The following FGFR4 variants were observed in gnomAD, a reference collection of about 807,000 sequenced individuals.
The protein encoded by FGFR4 is hydroxyaryl-protein kinase.
In FGFR4, 63 loss-of-function variants were observed where a neutral mutation model predicts 89.9. That is an observed-to-expected ratio of 0.70 (90% CI 0.57 to 0.86). The LOEUF (loss-of-function observed/expected upper bound fraction) is 0.86, where lower values mean the gene tolerates loss of function less well. Among genes scored for constraint, FGFR4 ranks in the 40% least tolerant of loss-of-function variants. The pLI, the probability that FGFR4 is intolerant of heterozygous loss-of-function variation, is 0.00. For synonymous variants in FGFR4, 486 were observed against 479.4 expected, an observed-to-expected ratio of 1.01 and a Z score of -0.18; for missense variants, 928 against 1,106.7, an observed-to-expected ratio of 0.84 and a Z score of 2.29.
intron 17 of FGFR4, 54 bp downstream of exon 17, chr5:177,097,451 T>C: frequency 6.5e-7 from 1 of 1,539,966 alleles, no homozygotes; most frequent in Admixed American, 1.7e-5. Flanking sequence ...CCAGGCCTCA[T>C]CTGGCCTGAC....
rs45566036 is a variant in FGFR4, at chr5:177,090,892, G to A, written c.437-46G>A. 2.3e-3 allele frequency: 3,692 copies of A among 1,614,122 alleles called. 33 individuals carry two copies. The African/African-American group carries it at 0.024, about 11-fold the overall frequency. Reference sequence around the variant, plus strand: ...TCTGATCACTGAGAAGAGGAGGCCTGTGTGGGAACACACGGTCATTCTAGG... The same window carrying A: ...TCTGATCACTGAGAAGAGGAGGCCTATGTGGGAACACACGGTCATTCTAGG... On this transcript the variant is annotated intron_variant, in intron 4 of 17. Transcript: ENST00000292408.
chr5:177,097,465 G>A lies in FGFR4; in HGVS notation c.2260-62G>A, dbSNP rs551146074. On this transcript the variant is annotated intron_variant, in intron 17 of 17. Coordinates refer to ENST00000292408, the MANE Select transcript of FGFR4 (RefSeq NM_213647.3). The stretch of plus-strand genomic sequence containing the variant: ...TCCAGGCCTCATCTGGCCTGACCGC[G>A]TGGACATGCGCCCCGTCCCATCCCG... 883 of 1,601,892 alleles carry A rather than the reference G, an allele frequency of 5.5e-4. 8 individuals are homozygous for A. In the African/African-American group the frequency reaches 8.3e-3, roughly 15 times the overall value.
Position 177,093,606 on chromosome 5 carries a change from C to T in FGFR4, c.1398-48C>T. The T allele has an allele frequency of 6.2e-7, 1 of 1,613,650 alleles. No individual in the cohort carries two copies. ...CGGGCGCCGGGTTGCAGCCCGCCCT[C>T]CGCAGGAGTGACTCGGAGGTCTGAG... On this transcript the variant is annotated intron_variant, in intron 10 of 17. Coordinates refer to ENST00000292408, the MANE Select transcript of FGFR4 (RefSeq NM_213647.3). This position sits in a 1 kb window ranked among gnomAD's most constrained non-coding sequence, Gnocchi z 5.8.
At position 177,092,689 on chromosome 5, in the gene FGFR4, G is replaced by A. The variant is rs202234648; in HGVS notation, c.962G>A (p.Arg321Gln). The change falls in exon 8 of 18, where the codon CGG becomes CAG. Residue 321 changes from arginine (R) to glutamine (Q), a missense_variant. This residue lies in a region of FGFR4 where 741 missense variants were observed against 836.9 expected (regional missense o/e 0.89). Transcript: ENST00000292408. ...NSSEVEVLYLRNVSAEDAGEY... is the reference protein window; with the variant it reads ...NSSEVEVLYLQNVSAEDAGEY... ...TCAGAGGTGGAGGTCCTGTACCTGCGGAACGTGTCAGCCGAGGACGCAGGC... is the reference window on the plus strand; with the variant it reads ...TCAGAGGTGGAGGTCCTGTACCTGCAGAACGTGTCAGCCGAGGACGCAGGC... 835 of 1,613,732 alleles carry A rather than the reference G, an allele frequency of 5.2e-4. No individual in the cohort carries two copies. The highest frequency in any genetic ancestry group is 6.6e-4 in the Non-Finnish European group (774 of 1,179,718).
rs1291783568 is a variant in FGFR4 at position 177,096,180 on chromosome 5, G to A, written c.1944+1G>A. 1.2e-6 allele frequency: 2 copies of A among 1,613,998 alleles called. No individual in the cohort carries two copies. Among genetic ancestry groups the A allele is most frequent in the Non-Finnish European group, 1.7e-6 (2 of 1,179,912 alleles). On this transcript the variant is annotated splice_donor_variant, in intron 14 of 17. Transcript: ENST00000292408. LOFTEE classifies it high-confidence loss of function. Reference sequence around the variant, plus strand: ...TGACTACTATAAGAAAACCAGCAACGTGAGGGAGATGGGGCAGAACTGGAT... The same window carrying A: ...TGACTACTATAAGAAAACCAGCAACATGAGGGAGATGGGGCAGAACTGGAT...
Position 177,093,724 on chromosome 5 carries a change from G to A in FGFR4, c.1468G>A (p.Asp490Asn). ...AGTACGTGCAGAGGCCTTTGGCATG[G>A]ACCCTGCCCGGCCTGACCAAGCCAG... ...QVVRAEAFGM[D>N]PARPDQASTV... Residue 490 changes from aspartate to asparagine, a missense_variant, in exon 11 of 18, where the codon GAC (aspartate) becomes AAC (asparagine). Physicochemically the swap from Asp to Asn is conservative, Grantham distance 23. This residue lies in a region of FGFR4 where 741 missense variants were observed against 836.9 expected (regional missense o/e 0.89). Transcript: ENST00000292408. This position sits in a 1 kb window ranked among gnomAD's most constrained non-coding sequence, Gnocchi z 5.8. The A allele has an allele frequency of 6.2e-7, 1 of 1,614,038 alleles. No individual in the cohort carries two copies.
In FGFR4 at chr5:177,093,476, G is replaced by A; in HGVS notation, c.1322G>A (p.Ser441Asn). Residue 441 changes from serine to asparagine, a missense_variant, in exon 10 of 18, where the codon AGC becomes AAC. Around this residue, in one of 5 missense-constraint regions of FGFR4, gnomAD observed 741 missense variants for 836.9 expected, o/e 0.89. Transcript: ENST00000292408. The surrounding 1 kb of genome is among the most constrained non-coding windows in gnomAD (Gnocchi z 5.8). ...SLVRGVRLSS[S>N]GPALLAGLVS... ...GTACGAGGCGTGCGTCTCTCCTCCAGCGGCCCCGCCTTGCTCGCCGGCCTC... is the reference window on the plus strand; with the variant it reads ...GTACGAGGCGTGCGTCTCTCCTCCAACGGCCCCGCCTTGCTCGCCGGCCTC... The A allele has an allele frequency of 6.2e-7, 1 of 1,613,968 alleles. No individual in the cohort carries two copies. The highest frequency in any genetic ancestry group is 8.5e-7 in the Non-Finnish European group (1 of 1,180,004).
At position 177,095,820 on chromosome 5, in the gene FGFR4, T is replaced by C; in HGVS notation, c.1821+97T>C. The C allele has an allele frequency of 7.5e-7, 1 of 1,338,222 alleles. No individual in the cohort carries two copies. The highest frequency in any genetic ancestry group is 1.0e-6 in the Non-Finnish European group (1 of 996,166). The allele number at this position is 1,338,222 out of a possible 1,614,324, so 82.9% of individuals were successfully genotyped here. On this transcript the variant is annotated intron_variant, in intron 13 of 17. Transcript: ENST00000292408. The surrounding 1 kb of genome is among the most constrained non-coding windows in gnomAD (Gnocchi z 5.7). ...CCCGACTTCTCCCTCTCTGCTCTTT[T>C]TCATGACCCCACCTCAGTGTCCCCA...
chr5:177,095,815 T>C lies in FGFR4; in HGVS notation c.1821+92T>C, dbSNP rs1266974166. 1 of 1,356,922 alleles carries C rather than the reference T, an allele frequency of 7.4e-7. No homozygotes were observed. Among genetic ancestry groups the C allele is most frequent in the African/African-American group, 1.5e-5 (1 of 68,328 alleles). 84.1% of individuals were successfully genotyped at this position (1,356,922 alleles called of 1,614,324 possible). A position where few individuals can be genotyped will look rare whatever the true frequency, so the allele number is the denominator to read the frequency against. On this transcript the variant is annotated intron_variant, in intron 13 of 17. Transcript: ENST00000292408. This position sits in a 1 kb window ranked among gnomAD's most constrained non-coding sequence, Gnocchi z 5.7. The stretch of plus-strand genomic sequence containing the variant: ...AATGTCCCGACTTCTCCCTCTCTGC[T>C]CTTTTTCATGACCCCACCTCAGTGT...
intron 4 of FGFR4, 45 bp downstream of exon 4, chr5:177,090,870 G>A (rs1784341996): frequency 1.9e-6 from 3 of 1,613,898 alleles, no homozygotes; most frequent in Non-Finnish European, 2.5e-6. Context: ...CTGCTCATCT[G>A]ATCACTGAGA....
In FGFR4 at chr5:177,097,676, A is replaced by G. The variant is rs1159660376; in HGVS notation, c.2409A>G (p.Ter803TrpextTer57). The change falls in exon 18 of 18, where the codon TGA (stop) becomes TGG (tryptophan). Residue 803 changes from the stop codon to tryptophan (W), a stop_lost. Transcript: ENST00000292408. ...SFPFGSGVQT[*>W] ...CCTTCGGGTCTGGGGTGCAGACATG[A>G]GCAAGGCTCAAGGCTGTGCAGGCAC... 2 of 1,613,628 alleles carry G rather than the reference A, an allele frequency of 1.2e-6. No homozygotes were observed. The highest frequency in any genetic ancestry group is 2.2e-5 in the East Asian group (1 of 44,896).
chr5:177,097,595 C>A lies in FGFR4; in HGVS notation c.2328C>A (p.Ser776=). 1 of 1,614,194 alleles carries A rather than the reference C, an allele frequency of 6.2e-7. No individual in the cohort carries two copies. Among genetic ancestry groups the A allele is most frequent in the Non-Finnish European group, 8.5e-7 (1 of 1,180,040 alleles). ...GTGGGGACGCCAGCAGCACCTGCTC[C>A]TCCAGCGATTCTGTCTTCAGCCACG... The part of the protein sequence containing the change: ...PSGGDASSTC[S]SSDSVFSHDP... The change falls in exon 18 of 18, where the codon TCC becomes TCA. Residue 776 remains serine, a synonymous_variant. Coordinates refer to ENST00000292408, the MANE Select transcript of FGFR4 (RefSeq NM_213647.3).
intron 6 of FGFR4, 130 bp from the exon 7 acceptor site, chr5:177,092,191 G>A: frequency 1.0e-6 from 1 of 968,832 alleles, no homozygotes; most frequent in Non-Finnish European, 1.5e-6. Context: ...GTTTAAGCAG[G>A]GTAAGCAGGA....
In FGFR4 at chr5:177,089,698, G is replaced by A; in HGVS notation, c.91+5G>A. ...CCTCTGAGGAAGTGGAGCTTGGTAT[G>A]GCTTCTGAGGTGGGAGAGGGTGGCA... On this transcript the variant is annotated splice_donor_5th_base_variant and intron_variant, in intron 2 of 17. Coordinates refer to ENST00000292408, the MANE Select transcript of FGFR4 (RefSeq NM_213647.3). The A allele has an allele frequency of 1.9e-6, 3 of 1,613,352 alleles. No individual in the cohort carries two copies. The highest frequency in any genetic ancestry group is 2.5e-6 in the Non-Finnish European group (3 of 1,179,676).
Position 177,093,835 on chromosome 5 carries a change from G to A in FGFR4, c.1519+60G>A. 6.4e-7 allele frequency: 1 copy of A among 1,554,706 alleles called. No individual in the cohort carries two copies. Among genetic ancestry groups the A allele is most frequent in the Non-Finnish European group, 8.8e-7 (1 of 1,142,450 alleles). ...AACGCCAGCACTTTAGGAGGCTGAG[G>A]GTGGGAGGATCGCTTGAATCCAGGA... On this transcript the variant is annotated intron_variant, in intron 11 of 17. Coordinates refer to ENST00000292408, the MANE Select transcript of FGFR4 (RefSeq NM_213647.3). This position sits in a 1 kb window ranked among gnomAD's most constrained non-coding sequence, Gnocchi z 5.8.
In FGFR4 at chr5:177,095,302, C is replaced by T; in HGVS notation, c.1520-28C>T. The stretch of plus-strand genomic sequence containing the variant: ...CTCCCTCGTGCAGTTGGAGGGCAGC[C>T]TCTTCACCCCGTCTGCTGCCCTTAC... On this transcript the variant is annotated intron_variant, in intron 11 of 17. Coordinates refer to ENST00000292408, the MANE Select transcript of FGFR4 (RefSeq NM_213647.3). This position sits in a 1 kb window ranked among gnomAD's most constrained non-coding sequence, Gnocchi z 5.7. The T allele has an allele frequency of 6.3e-7, 1 of 1,583,738 alleles. No individual in the cohort carries two copies. Among genetic ancestry groups the T allele is most frequent in the Non-Finnish European group, 8.7e-7 (1 of 1,152,510 alleles).
Position 177,096,486 on chromosome 5 carries a change from A to C in FGFR4, c.2016-118A>C. On this transcript the variant is annotated intron_variant, in intron 15 of 17. Coordinates refer to ENST00000292408, the MANE Select transcript of FGFR4 (RefSeq NM_213647.3). ...TGGTCTGGGACCCGAGTGGGCCCAG[A>C]CTCCAGGAGGAGCCCATTCCCCAAC... is the stretch of plus-strand genomic sequence containing the variant. 2.6e-6 allele frequency: 4 copies of C among 1,524,274 alleles called. No homozygotes were observed. In the South Asian group the frequency reaches 4.8e-5, roughly 18 times the overall value. 94.4% of individuals were successfully genotyped at this position (1,524,274 alleles called of 1,614,324 possible). A position where few individuals can be genotyped will look rare whatever the true frequency, so the allele number is the denominator to read the frequency against.
Position 177,087,548 on chromosome 5 carries a change from C to T in FGFR4, c.-54+471C>T. On this transcript the variant is annotated intron_variant, in intron 1 of 17. Coordinates refer to ENST00000292408, the MANE Select transcript of FGFR4 (RefSeq NM_213647.3). The surrounding 1 kb of genome is among the most constrained non-coding windows in gnomAD (Gnocchi z 6.1). The stretch of plus-strand genomic sequence containing the variant: ...AGGACTGTCTGATGCCTAAGGCAGG[C>T]CCTCCATTCCCACGTGGGGGGTGGT... The T allele has an allele frequency of 1.0e-6, 1 of 981,868 alleles. No homozygotes were observed. The highest frequency in any genetic ancestry group is 1.2e-6 in the Non-Finnish European group (1 of 826,748). The allele number at this position is 981,868 out of a possible 1,614,324, so 60.8% of individuals were successfully genotyped here.
In FGFR4 at chr5:177,093,582, G is replaced by A. The variant is rs45557334; in HGVS notation, c.1397+31G>A. On this transcript the variant is annotated intron_variant, in intron 10 of 17. Coordinates refer to ENST00000292408, the MANE Select transcript of FGFR4 (RefSeq NM_213647.3). This position sits in a 1 kb window ranked among gnomAD's most constrained non-coding sequence, Gnocchi z 5.8. ...CTGAGCTGTGTGGGGGCAGGGACGCGGGCGCCGGGTTGCAGCCCGCCCTCC... is the reference window on the plus strand; with the variant it reads ...CTGAGCTGTGTGGGGGCAGGGACGCAGGCGCCGGGTTGCAGCCCGCCCTCC... The A allele has an allele frequency of 1.7e-4, 270 of 1,612,262 alleles. 1 individual carries two copies. The East Asian group carries it at 4.3e-3, about 25-fold the overall frequency.
Sources: allele counts gnomAD v4.1 joint callset, GRCh38; gene constraint gnomAD v4.1.1; regional missense constraint gnomAD v4.1.1; non-coding constraint Gnocchi (gnomAD v3.1); transcripts MANE v1.5; gene names NCBI Gene and HGNC (gene_info 2026-07-23, HGNC 2026-07-21).